The following NKAIN2 variants were observed in gnomAD, a reference collection of about 807,000 sequenced individuals.
NKAIN2 encodes the protein sodium/potassium transporting ATPase interacting 2.
A neutral mutation model predicts 32.6 loss-of-function variants in NKAIN2; 14 were observed. The observed-to-expected ratio is 0.43, with a 90% CI of 0.28 to 0.67. The LOEUF is 0.67. Ranked by LOEUF, NKAIN2 falls within the 30% of genes least tolerant of loss-of-function variation. The probability of loss-of-function intolerance (pLI) is 0.17; values close to 1 mark genes in which losing one functional copy is unlikely to be tolerated. For missense variants in NKAIN2, 198 were observed against 258.3 expected, an observed-to-expected ratio of 0.77 and a Z score of 1.60; for synonymous variants, 80 against 87.2, an observed-to-expected ratio of 0.92 and a Z score of 0.46.
chr6:124,679,969 A>G (rs1461583739), intron 4 of NKAIN2, among the ~76,000 whole-genome samples: 1 of 152,170 alleles, frequency 6.6e-6, no homozygotes, highest in Non-Finnish European at 1.5e-5. Context: ...GATAACAGAA[A>G]CCACTGTAAG....
At chr6:124,642,740 T>C (rs1784036871) in intron 3 of NKAIN2, among the ~76,000 whole-genome samples, 1 of 152,218 alleles carries the variant, frequency 6.6e-6, no homozygotes, top group Non-Finnish European at 1.5e-5. Context: ...TATAGTTTTG[T>C]TAATGTAAAT....
At chr6:124,507,843 T>C (rs1226913288) in intron 3 of NKAIN2, among the ~76,000 whole-genome samples, 1 of 151,924 alleles carries the variant, frequency 6.6e-6, no homozygotes, top group Non-Finnish European at 1.5e-5. Context: ...TGAGAAAAAG[T>C]AAAGAAATAG....
chr6:124,331,376 A>AAAAAAAT (rs1562494314), intron 2 of NKAIN2, among the ~76,000 whole-genome samples: 1 of 147,046 alleles, frequency 6.8e-6, no homozygotes, highest in African/African-American at 2.5e-5. Flanking sequence ...AAAAAAAAAA[A>AAAAAAAT]AAACTAGCTG....
intron 2 of NKAIN2, among the ~76,000 whole-genome samples, chr6:124,291,310 A>G (rs1393983627): frequency 6.6e-6 from 1 of 151,874 alleles, no homozygotes; most frequent in Non-Finnish European, 1.5e-5. Context: ...GGCATTTCAA[A>G]ATGGCGTGTC....
chr6:124,499,493 A>G, intron 3 of NKAIN2, among the ~76,000 whole-genome samples: 1 of 152,212 alleles, frequency 6.6e-6, no homozygotes. Context: ...TCTGGATGAA[A>G]TAAAGACCAT....
intron 1 of NKAIN2, among the ~76,000 whole-genome samples, chr6:124,189,089 A>T (rs1408200654): frequency 2.6e-5 from 4 of 152,182 alleles, no homozygotes; most frequent in Admixed American, 1.3e-4. Flanking sequence ...AATTGAAATC[A>T]TGCACACCTA....
At chr6:124,593,653 C>A (rs920709834) in intron 3 of NKAIN2, among the ~76,000 whole-genome samples, 1 of 152,146 alleles carries the variant, frequency 6.6e-6, no homozygotes, top group East Asian at 1.9e-4. Context: ...GCTACAGGAA[C>A]CTACTCAAGG....
At chr6:124,032,582 A>G (rs1781452533) in intron 1 of NKAIN2, among the ~76,000 whole-genome samples, 1 of 152,132 alleles carries the variant, frequency 6.6e-6, no homozygotes, top group African/African-American at 2.4e-5. Context: ...AGACAAATAG[A>G]TAACACATTC....
chr6:124,393,298 G>A (rs1280092843), intron 3 of NKAIN2, among the ~76,000 whole-genome samples: 6 of 151,708 alleles, frequency 4.0e-5, no homozygotes, highest in Non-Finnish European at 2.9e-5. Flanking sequence ...TACGTAAGAT[G>A]CAACTATAAA....
intron 2 of NKAIN2, among the ~76,000 whole-genome samples, chr6:124,350,558 A>G (rs1182336614): frequency 6.6e-6 from 1 of 152,150 alleles, no homozygotes; most frequent in Non-Finnish European, 1.5e-5. Context: ...ACAAGTAGCA[A>G]TTACCCTCTG....
intron 4 of NKAIN2, among the ~76,000 whole-genome samples, chr6:124,663,298 G>C (rs888361179): frequency 9.9e-5 from 15 of 151,884 alleles, no homozygotes; most frequent in African/African-American, 3.6e-4. Context: ...AGGTGTGGTG[G>C]TGCACACCTG....
chr6:124,460,344 G>T (rs1776484140), intron 3 of NKAIN2, among the ~76,000 whole-genome samples: 1 of 151,702 alleles, frequency 6.6e-6, no homozygotes, highest in Admixed American at 6.6e-5. Flanking sequence ...CACAACTGCT[G>T]CATATGTTTT....
At chr6:124,243,792 T>G (rs1793236958) in intron 1 of NKAIN2, among the ~76,000 whole-genome samples, 1 of 152,180 alleles carries the variant, frequency 6.6e-6, no homozygotes, top group Admixed American at 6.6e-5. Context: ...CTGTCACTAC[T>G]TTTCTTATCT....
chr6:123,928,821 A>AT lies in NKAIN2; in HGVS notation c.54+124569dup, dbSNP rs559785639. On this transcript the variant is annotated intron_variant, in intron 1 of 6. Transcript: ENST00000368417. ...CATGGATGAAAACGTCCATGGCAAC[A>AT]TTGTTTATAGCAGCTGAAGAATGAG... Among the ~76,000 whole-genome samples the AT allele has an allele frequency of 5.2e-3, 795 of 152,318 alleles. 1 individual carries two copies. The highest frequency in any genetic ancestry group is 0.01 in the Middle Eastern group (3 of 294).
At chr6:124,452,207 A>C (rs1776137898) in intron 3 of NKAIN2, among the ~76,000 whole-genome samples, 1 of 151,950 alleles carries the variant, frequency 6.6e-6, no homozygotes, top group South Asian at 2.1e-4. Flanking sequence ...AAAAAAAAAA[A>C]AAAACTGACG....
intron 4 of NKAIN2, among the ~76,000 whole-genome samples, chr6:124,694,873 T>C (rs1314343037): frequency 1.3e-5 from 2 of 152,160 alleles, no homozygotes; most frequent in African/African-American, 4.8e-5. Context: ...TGCCAGTAAA[T>C]TTAATAAAAA....
intron 1 of NKAIN2, among the ~76,000 whole-genome samples, chr6:124,163,902 C>A (rs550591340): frequency 1.2e-4 from 18 of 152,002 alleles, no homozygotes; most frequent in Non-Finnish European, 2.5e-4. Context: ...TAAGATAATA[C>A]GAACTGAAAC....
At chr6:124,537,597 T>A (rs1017808120) in intron 3 of NKAIN2, among the ~76,000 whole-genome samples, 1 of 152,218 alleles carries the variant, frequency 6.6e-6, no homozygotes, top group African/African-American at 2.4e-5. Flanking sequence ...AATCTGTATG[T>A]TTACTATCTT....
intron 3 of NKAIN2, among the ~76,000 whole-genome samples, chr6:124,450,667 GATTCTGAGATTGGAAAAGC>G (rs1776069593): frequency 6.6e-6 from 1 of 151,730 alleles, no homozygotes; most frequent in Admixed American, 6.6e-5. Flanking sequence ...AATATTAATT[GATTCTGAGATTGGAAAAGC>G]ATTTAAATAC....
Sources: allele counts gnomAD v4.1 joint callset (sites outside exome capture counted in the v4.1 genomes callset), GRCh38; gene constraint gnomAD v4.1.1; transcripts MANE v1.5; gene names NCBI Gene and HGNC (gene_info 2026-07-23, HGNC 2026-07-21).